Variants in TRAP1 observed in about 807,000 individuals in gnomAD.
TRAP1 encodes TNF receptor associated protein 1, also known as heat shock protein 75 kDa, mitochondrial.
In TRAP1, 102 loss-of-function variants were observed where a neutral mutation model predicts 89.1. The observed-to-expected ratio is 1.15, with a 90% confidence interval of 0.98 to 1.35. The LOEUF is 1.35. Ranked by LOEUF, TRAP1 falls within the 40% of genes most tolerant of loss-of-function variation. TRAP1 has a pLI of 0.00. For missense variants in TRAP1, 1,256 were observed against 945.3 expected, an observed-to-expected ratio of 1.33 and a Z score of -4.31; for synonymous variants, 508 against 388.0, an observed-to-expected ratio of 1.31 and a Z score of -3.64.
chr16:3,692,354 G>C (rs1431764251), intron 1 of TRAP1, among the ~76,000 whole-genome samples: 1 of 151,942 alleles, frequency 6.6e-6, no homozygotes, highest in Non-Finnish European at 1.5e-5. Flanking sequence ...TGGCCAACAT[G>C]GAGAAACCCC....
chr16:3,710,005 A>G (rs528909766), intron 1 of TRAP1, among the ~76,000 whole-genome samples: 1 of 152,316 alleles, frequency 6.6e-6, no homozygotes, highest in Non-Finnish European at 1.5e-5. Context: ...TTCCCTCACA[A>G]ATGTCTGAGT....
intron 1 of TRAP1, among the ~76,000 whole-genome samples, chr16:3,710,084 C>T (rs896487043): frequency 6.6e-6 from 1 of 152,220 alleles, no homozygotes; most frequent in African/African-American, 2.4e-5. Context: ...CTGGTCTAAT[C>T]GTTCTCTACT....
intron 1 of TRAP1, among the ~76,000 whole-genome samples, chr16:3,704,961 G>C (rs777651597): frequency 2.6e-5 from 4 of 152,058 alleles, no homozygotes; most frequent in African/African-American, 9.7e-5. Flanking sequence ...GAAAGATTTA[G>C]TAACTTTATT....
At chr16:3,710,658 G>C (rs1455977574) in intron 1 of TRAP1, among the ~76,000 whole-genome samples, 3 of 152,172 alleles carry the variant, frequency 2.0e-5, no homozygotes, top group South Asian at 2.1e-4. Context: ...TGAAATACTG[G>C]CAAGTGTGAA....
chr16:3,658,706 T>G lies in TRAP1; in HGVS notation c.2013+87A>C. ...ACAAACAAACAAAAAGACAGGATTT[T>G]AGAGGAAACCGCTGTTCCACCCTGA... On this transcript the variant is annotated intron_variant, in intron 17 of 17. Coordinates refer to ENST00000246957, the MANE Select transcript of TRAP1 (RefSeq NM_016292.3). 2.4e-6 allele frequency: 3 copies of G among 1,273,124 alleles called. No individual in the cohort carries two copies. The South Asian group carries it at 3.9e-5, about 17-fold the overall frequency. The allele number at this position is 1,273,124 out of a possible 1,614,324, so 78.9% of individuals were successfully genotyped here.
intron 3 of TRAP1, among the ~76,000 whole-genome samples, chr16:3,687,533 C>T (rs1220371338): frequency 6.6e-6 from 1 of 152,174 alleles, no homozygotes; most frequent in Non-Finnish European, 1.5e-5. Context: ...CCTCAGGGCC[C>T]AGCTGTCCCT....
At chr16:3,681,190 T>A (rs35213720) in intron 4 of TRAP1, among the ~76,000 whole-genome samples, 1 of 152,188 alleles carries the variant, frequency 6.6e-6, no homozygotes, top group Non-Finnish European at 1.5e-5. Context: ...CATCTATGAA[T>A]TGGGACAAAG....
intron 16 of TRAP1, chr16:3,659,749 T>TTAGATAGATAGATAGATAGATAGA: frequency 7.1e-6 from 1 of 140,244 alleles, no homozygotes; most frequent in East Asian, 2.1e-4. Flanking sequence ...ACTTTTTTTT[T>TTAGATAGATAGATAGATAGATAGA]TAGATAGATA....
intron 1 of TRAP1, among the ~76,000 whole-genome samples, chr16:3,714,550 G>A (rs547958577): frequency 2.0e-5 from 3 of 152,160 alleles, no homozygotes; most frequent in African/African-American, 4.8e-5. Context: ...TCCCAGCTAC[G>A]TGGGAGGCGA....
At chr16:3,685,883 C>G in intron 4 of TRAP1, 113 bp downstream of exon 4, 5 of 1,302,160 alleles carry the variant, frequency 3.8e-6, no homozygotes. Context: ...CAGAGTTATC[C>G]TGGTGGTACG....
Position 3,674,537 on chromosome 16 carries a change from C to G in TRAP1, c.889-43G>C, listed in dbSNP as rs1016888311. 4.4e-6 allele frequency: 7 copies of G among 1,601,274 alleles called. No homozygotes were observed. In the African/African-American group the frequency reaches 9.4e-5, roughly 21 times the overall value. On this transcript the variant is annotated intron_variant, in intron 8 of 17. Transcript: ENST00000246957. ...CGGGGAGGGCGTCGTGTTCACCACGCACGTCTTCTCCACCACCGTGCAGGC... is the reference window on the plus strand; with the variant it reads ...CGGGGAGGGCGTCGTGTTCACCACGGACGTCTTCTCCACCACCGTGCAGGC...
intron 2 of TRAP1, 113 bp from the exon 3 acceptor site, chr16:3,689,250 T>G: frequency 1.1e-6 from 1 of 931,026 alleles, no homozygotes; most frequent in Non-Finnish European, 1.5e-6. Flanking sequence ...AACTTTTTTT[T>G]TTTTTTTTTT....
At chr16:3,694,234 G>A (rs940555379) in intron 1 of TRAP1, among the ~76,000 whole-genome samples, 3 of 152,086 alleles carry the variant, frequency 2.0e-5, no homozygotes, top group Admixed American at 2.0e-4. Context: ...CAGGAATACT[G>A]GAGTTAGGCC....
chr16:3,667,095 G>C (rs1350370238), intron 11 of TRAP1, among the ~76,000 whole-genome samples: 1 of 152,130 alleles, frequency 6.6e-6, no homozygotes, highest in Admixed American at 6.6e-5. Flanking sequence ...GGGGACAGTA[G>C]CCCAGGATGC....
intron 3 of TRAP1, among the ~76,000 whole-genome samples, chr16:3,687,757 A>T (rs1228002804): frequency 2.0e-5 from 3 of 151,222 alleles, no homozygotes; most frequent in African/African-American, 7.3e-5. Flanking sequence ...CTGAGGAGGA[A>T]GGATGGCTTG....
At chr16:3,683,340 T>G (rs972415156) in intron 4 of TRAP1, among the ~76,000 whole-genome samples, 15 of 151,638 alleles carry the variant, frequency 9.9e-5, no homozygotes, top group African/African-American at 3.4e-4. Flanking sequence ...AAGAATAATA[T>G]ATCCATACCG....
At chr16:3,678,321 T>G (rs2051027301) in intron 5 of TRAP1, 1 of 152,254 alleles carries the variant, frequency 6.6e-6, no homozygotes, top group Non-Finnish European at 1.5e-5. Context: ...CCCTTTTATT[T>G]AATTTGAATG....
intron 6 of TRAP1, chr16:3,676,425 G>A (rs2050996275): frequency 8.2e-6 from 2 of 242,566 alleles, no homozygotes. Context: ...AAGCTTCTGG[G>A]CTTACCCCAA....
At chr16:3,682,436 C>A (rs578193549) in intron 4 of TRAP1, among the ~76,000 whole-genome samples, 4 of 151,924 alleles carry the variant, frequency 2.6e-5, no homozygotes, top group African/African-American at 9.7e-5. Flanking sequence ...GGCTAGAGTG[C>A]TGGAGTGCAG....
Sources: gnomAD v4.1 joint callset for allele counts (sites outside exome capture counted in the v4.1 genomes callset) on GRCh38, gnomAD v4.1.1 for gene constraint, MANE v1.5 for transcripts, NCBI Gene and HGNC (gene_info 2026-07-23, HGNC 2026-07-21) for gene names.